The following GTF2H1 variants were observed in gnomAD, a reference collection of about 807,000 sequenced individuals.
GTF2H1 encodes BTF2 p62.
In GTF2H1, 16 loss-of-function variants were observed where a neutral mutation model predicts 71.2. The ratio of observed to expected loss-of-function variants is 0.22; its 90% CI spans 0.15 to 0.34. The LOEUF is 0.34. Among genes scored for constraint, GTF2H1 ranks in the 10% least tolerant of loss-of-function variants. The pLI, the probability that GTF2H1 is intolerant of heterozygous loss-of-function variation, is 1.00. For missense variants in GTF2H1, 498 were observed against 648.2 expected, an observed-to-expected ratio of 0.77 and a Z score of 2.52; for synonymous variants, 215 against 219.0, an observed-to-expected ratio of 0.98 and a Z score of 0.16.
At chr11:18,349,978 A>G (rs961159077) in intron 9 of GTF2H1, among the ~76,000 whole-genome samples, 2 of 152,236 alleles carry the variant, frequency 1.3e-5, no homozygotes, top group East Asian at 1.9e-4. Flanking sequence ...GTGAAAAACA[A>G]TGTATGGGTA....
At chr11:18,336,240 T>C (rs927030381) in intron 3 of GTF2H1, among the ~76,000 whole-genome samples, 5 of 151,798 alleles carry the variant, frequency 3.3e-5, no homozygotes, top group South Asian at 2.1e-4. Context: ...AATTCTCCTG[T>C]CTCAGCCTCC....
intron 3 of GTF2H1, among the ~76,000 whole-genome samples, chr11:18,337,820 T>C (rs868410668): frequency 1.5e-4 from 23 of 152,306 alleles, no homozygotes; most frequent in Middle Eastern, 3.4e-3. Flanking sequence ...TGGTGATCTT[T>C]GAATCACTGG....
intron 1 of GTF2H1, among the ~76,000 whole-genome samples, chr11:18,327,523 C>G (rs1440705925): frequency 6.6e-6 from 1 of 152,150 alleles, no homozygotes; most frequent in Admixed American, 6.5e-5. Flanking sequence ...ATAATAGAAC[C>G]TACCTCATGG....
chr11:18,341,783 TAGA>T (rs1454259953), intron 7 of GTF2H1, 176 bp downstream of exon 7: 1 of 492,088 alleles, frequency 2.0e-6, no homozygotes, highest in African/African-American at 2.0e-5. Flanking sequence ...TAAAATTGCC[TAGA>T]AGAAATGAAA....
At chr11:18,338,739 A>G (rs1378090024) in intron 4 of GTF2H1, among the ~76,000 whole-genome samples, 1 of 152,144 alleles carries the variant, frequency 6.6e-6, no homozygotes, top group African/African-American at 2.4e-5. Context: ...ATGAGCTATC[A>G]CACTCAGCCC....
At chr11:18,323,343 C>A (rs1321596256) in intron 1 of GTF2H1, among the ~76,000 whole-genome samples, 1 of 151,828 alleles carries the variant, frequency 6.6e-6, no homozygotes, top group Non-Finnish European at 1.5e-5. Flanking sequence ...GTCGTCCTGG[C>A]TGGAATGCAG....
chr11:18,347,551 C>A (rs775126312), intron 7 of GTF2H1, 37 bp from the exon 8 acceptor site: 7 of 1,481,586 alleles, frequency 4.7e-6, no homozygotes, highest in Non-Finnish European at 6.3e-6. Flanking sequence ...AAAAGCAGAA[C>A]CTTTTTAAAA....
chr11:18,345,298 T>C (rs1865264051), intron 7 of GTF2H1, among the ~76,000 whole-genome samples: 1 of 152,142 alleles, frequency 6.6e-6, no homozygotes, highest in South Asian at 2.1e-4. Flanking sequence ...CATGTTACCC[T>C]CTGTTTTATT....
chr11:18,363,113 C>A (rs1865744031), intron 14 of GTF2H1, among the ~76,000 whole-genome samples: 1 of 152,106 alleles, frequency 6.6e-6, no homozygotes, highest in Admixed American at 6.6e-5. Flanking sequence ...ACTGAAAAGT[C>A]TTCAGGGGCA....
At chr11:18,349,859 A>C (rs545235046) in intron 9 of GTF2H1, among the ~76,000 whole-genome samples, 10 of 152,306 alleles carry the variant, frequency 6.6e-5, no homozygotes, top group African/African-American at 2.4e-4. Context: ...CCTACTTTAA[A>C]TGTGTTCCGA....
intron 12 of GTF2H1, 38 bp downstream of exon 12, chr11:18,358,080 A>C: frequency 2.0e-6 from 3 of 1,468,604 alleles, no homozygotes; most frequent in Non-Finnish European, 2.9e-6. Context: ...TTCTGCCTAA[A>C]TCAGCTTTAA....
At chr11:18,342,252 CTTTTTTTTTTTTTT>C (rs71047585) in intron 7 of GTF2H1, among the ~76,000 whole-genome samples, 55 of 72,720 alleles carry the variant, frequency 7.6e-4, no homozygotes, top group Non-Finnish European at 1.1e-3. Flanking sequence ...TTTTCTGTCT[CTTTTTTTTTTTTTT>C]TTTTTTTTTT....
chr11:18,347,786 T>C, intron 8 of GTF2H1, 46 bp from the exon 9 acceptor site: 1 of 1,595,276 alleles, frequency 6.3e-7, no homozygotes, highest in Non-Finnish European at 8.6e-7. Context: ...GGTGTTGTTT[T>C]GCTTGTGGTT....
intron 7 of GTF2H1, chr11:18,341,816 A>G (rs1865163661): frequency 7.2e-6 from 3 of 419,132 alleles, no homozygotes; most frequent in Non-Finnish European, 1.3e-5. Flanking sequence ...GAGTTGCTAA[A>G]ACCTTTTAAA....
chr11:18,328,445 G>A (rs1301480767), intron 1 of GTF2H1, among the ~76,000 whole-genome samples: 3 of 150,866 alleles, frequency 2.0e-5, no homozygotes, highest in Non-Finnish European at 4.4e-5. Flanking sequence ...ACTGGGAGGA[G>A]GAGGTTGCAG....
chr11:18,355,524 G>A (rs563302867), intron 11 of GTF2H1, among the ~76,000 whole-genome samples: 3 of 151,094 alleles, frequency 2.0e-5, no homozygotes, highest in East Asian at 3.9e-4. Context: ...TATTTATTTC[G>A]AGACAGGGTC....
intron 1 of GTF2H1, among the ~76,000 whole-genome samples, chr11:18,330,050 T>C (rs1291562020): frequency 2.6e-5 from 4 of 152,218 alleles, no homozygotes; most frequent in Admixed American, 2.6e-4. Context: ...GTTCTGTCTC[T>C]CATTTTGGGT....
Position 18,366,328 on chromosome 11 carries a change from G to A in GTF2H1, c.*459G>A, listed in dbSNP as rs1348088993. 1.3e-5 allele frequency: 2 copies of A among 153,498 alleles called. No homozygotes were observed. Among genetic ancestry groups the A allele is most frequent in the African/African-American group, 4.8e-5 (2 of 41,436 alleles). 9.5% of individuals were successfully genotyped at this position (153,498 alleles called of 1,614,324 possible). On this transcript the variant is annotated 3_prime_UTR_variant, in exon 15 of 15. Transcript: ENST00000265963. ...TTTCCTAAGTTTATGGCACAGGGTA[G>A]ACCTTAAGTATTCCTCCTCCATCCT... is the stretch of plus-strand genomic sequence containing the variant.
Position 18,346,733 on chromosome 11 carries a change from CTTTT to C in GTF2H1, c.838-836_838-833del, listed in dbSNP as rs35494754. Among the ~76,000 whole-genome samples the C allele has an allele frequency of 1.3e-3, 113 of 85,214 alleles. 1 individual carries two copies. Among genetic ancestry groups the C allele is most frequent in the African/African-American group, 4.9e-3 (101 of 20,546 alleles). The allele number at this position is 85,214 out of a possible 152,430, so 55.9% of individuals were successfully genotyped here. A position where few individuals can be genotyped will look rare whatever the true frequency, so the allele number is the denominator to read the frequency against. ...CACTATATTCTATTCTTTTTATTTACTTTTTTTTTTTTTTTTTTTTTTGAGACAG... is the reference window on the plus strand; with the variant it reads ...CACTATATTCTATTCTTTTTATTTACTTTTTTTTTTTTTTTTTTGAGACAG... On this transcript the variant is annotated intron_variant, in intron 7 of 14. Coordinates refer to ENST00000265963, the MANE Select transcript of GTF2H1 (RefSeq NM_005316.4).
Sources: allele counts gnomAD v4.1 joint callset (sites outside exome capture counted in the v4.1 genomes callset), GRCh38; gene constraint gnomAD v4.1.1; transcripts MANE v1.5; gene names NCBI Gene and HGNC (gene_info 2026-07-23, HGNC 2026-07-21).